The following SKA1 variants were observed in gnomAD, a reference collection of about 807,000 sequenced individuals.
SKA1 encodes spindle and kinetochore associated complex subunit 1.
SKA1 carries 20 observed loss-of-function variants against 31.8 expected under a neutral mutation model. The ratio of observed to expected loss-of-function variants is 0.63; its 90% CI spans 0.44 to 0.91. The LOEUF (loss-of-function observed/expected upper bound fraction) is 0.91. Among genes scored for constraint, SKA1 ranks in the 40% least tolerant of loss-of-function variants. The probability of loss-of-function intolerance (pLI) is 0.00; values close to 1 mark genes in which losing one functional copy is unlikely to be tolerated. For synonymous variants in SKA1, 88 were observed against 100.5 expected (o/e 0.88, Z 0.74); for missense variants, 253 against 298.2 (o/e 0.85, Z 1.12).
chr18:50,385,329 G>T lies in SKA1; in HGVS notation c.425G>T (p.Cys142Phe). Reference sequence around the variant, plus strand: ...ATTAAGGAAATGCCATTTATAACTTGTGATGAGTTCAATGGTGTTCCTTCG... The same window carrying T: ...ATTAAGGAAATGCCATTTATAACTTTTGATGAGTTCAATGGTGTTCCTTCG... ...RSIKEMPFIT[C>F]DEFNGVPSYM... The change falls in exon 5 of 7, where the codon TGT (cysteine) becomes TTT (phenylalanine). Residue 142 changes from cysteine (C) to phenylalanine (F), a missense_variant. By Grantham distance (205) the Cys-to-Phe change is radical. Coordinates refer to ENST00000285116, the MANE Select transcript of SKA1 (RefSeq NM_145060.4). 1 of 1,613,318 alleles carries T rather than the reference G, an allele frequency of 6.2e-7. No individual in the cohort carries two copies. The highest frequency in any genetic ancestry group is 8.5e-7 in the Non-Finnish European group (1 of 1,179,592).
intron 3 of SKA1, 70 bp from the exon 4 acceptor site, chr18:50,382,059 G>C: frequency 1.1e-6 from 1 of 942,658 alleles, no homozygotes; most frequent in Admixed American, 3.0e-5. Context: ...TGTTTTCCCT[G>C]CTCTTTAGAA....
In SKA1 at chr18:50,392,352, CTTT is replaced by C. The variant is rs375763517; in HGVS notation, c.*117_*119del. The C allele has an allele frequency of 1.9e-3, 1,098 of 567,134 alleles. No homozygotes were observed. Among genetic ancestry groups the C allele is most frequent in the Middle Eastern group, 2.3e-3 (4 of 1,742 alleles). The allele number at this position is 567,134 out of a possible 1,614,324, so 35.1% of individuals were successfully genotyped here. Reference sequence around the variant, plus strand: ...TTTAACTTTTAATCTTTTTTGTTTCCTTTTTTTTTTTTTTGAGACAGGATCTTG... The same window carrying C: ...TTTAACTTTTAATCTTTTTTGTTTCCTTTTTTTTTTTGAGACAGGATCTTG... On this transcript the variant is annotated 3_prime_UTR_variant, in exon 7 of 7. Coordinates refer to ENST00000285116, the MANE Select transcript of SKA1 (RefSeq NM_145060.4).
chr18:50,379,916 T>C lies in SKA1; in HGVS notation c.89-210T>C, dbSNP rs114923152. On this transcript the variant is annotated intron_variant, in intron 2 of 6. Coordinates refer to ENST00000285116, the MANE Select transcript of SKA1 (RefSeq NM_145060.4). Reference sequence around the variant, plus strand: ...AGAAACAAAAGACGCAGGAGAGACATTGTCCTTGCCTCTCGCCTCCTTCTG... The same window carrying C: ...AGAAACAAAAGACGCAGGAGAGACACTGTCCTTGCCTCTCGCCTCCTTCTG... Among the ~76,000 whole-genome samples the C allele has an allele frequency of 9.9e-3, 1,503 of 152,312 alleles. 19 individuals carry two copies. Among genetic ancestry groups the C allele is most frequent in the African/African-American group, 0.035 (1,438 of 41,554 alleles).
chr18:50,382,270 C>A (rs757834837), intron 4 of SKA1, 44 bp downstream of exon 4: 2 of 1,217,430 alleles, frequency 1.6e-6, no homozygotes, highest in Admixed American at 5.9e-5. Flanking sequence ...ATTTATAAAC[C>A]CATGAAAACA....
intron 5 of SKA1, 140 bp from the exon 6 acceptor site, chr18:50,390,984 G>T: frequency 1.9e-6 from 1 of 535,550 alleles, no homozygotes; most frequent in Non-Finnish European, 3.2e-6. Flanking sequence ...TGGTTTATTT[G>T]GAAGTTGATA....
At chr18:50,377,011 G>A (rs2156133) in intron 2 of SKA1, among the ~76,000 whole-genome samples, 109,708 of 151,742 alleles carry the variant, frequency 0.72, 39,798 homozygotes, top group East Asian at 0.81. Flanking sequence ...TATCTCCTGA[G>A]GGATCTGCCT....
intron 5 of SKA1, among the ~76,000 whole-genome samples, chr18:50,388,636 G>A (rs2041330532): frequency 6.6e-6 from 1 of 152,132 alleles, no homozygotes; most frequent in Non-Finnish European, 1.5e-5. Context: ...GCTAGACGGG[G>A]CTGAAATCAT....
At chr18:50,388,191 C>A (rs1208346555) in intron 5 of SKA1, among the ~76,000 whole-genome samples, 2 of 152,130 alleles carry the variant, frequency 1.3e-5, no homozygotes, top group African/African-American at 2.4e-5. Flanking sequence ...AGGTTCACGC[C>A]ATTCTCCTGC....
At chr18:50,387,840 A>G (rs2041322936) in intron 5 of SKA1, among the ~76,000 whole-genome samples, 1 of 152,166 alleles carries the variant, frequency 6.6e-6, no homozygotes. Flanking sequence ...ATACTTCCAA[A>G]ATCTCTGTCA....
chr18:50,380,080 G>A, intron 2 of SKA1, 46 bp from the exon 3 acceptor site: 2 of 1,440,404 alleles, frequency 1.4e-6, no homozygotes, highest in South Asian at 1.5e-5. Flanking sequence ...TATAGCTACT[G>A]CTTTTCTATA....
chr18:50,381,787 G>A (rs1477805240), intron 3 of SKA1, among the ~76,000 whole-genome samples: 2 of 144,318 alleles, frequency 1.4e-5, no homozygotes, highest in South Asian at 2.2e-4. Flanking sequence ...GTGCAGTGGC[G>A]CGATCTCAGC....
chr18:50,391,280 G>A lies in SKA1; in HGVS notation c.606G>A (p.Thr202=), dbSNP rs144678543. Residue 202 remains threonine, a synonymous_variant, in exon 6 of 7, where the codon ACG becomes ACA. Coordinates refer to ENST00000285116, the MANE Select transcript of SKA1 (RefSeq NM_145060.4). Reference sequence around the variant, plus strand: ...ATCACAGATTTATTGATGAAGAAACGAAGGATACCAAAGGTAAAATGGCAG... The same window carrying A: ...ATCACAGATTTATTGATGAAGAAACAAAGGATACCAAAGGTAAAATGGCAG... ...NLYHRFIDEE[T]KDTKGRYFIV... 117 of 1,592,944 alleles carry A rather than the reference G, an allele frequency of 7.3e-5. No homozygotes were observed. The highest frequency in any genetic ancestry group is 9.4e-5 in the Non-Finnish European group (110 of 1,173,944).
At chr18:50,380,974 G>A (rs2149319948) in intron 3 of SKA1, among the ~76,000 whole-genome samples, 1 of 152,336 alleles carries the variant, frequency 6.6e-6, no homozygotes. Flanking sequence ...TCAGCTATAG[G>A]AATGGGCATG....
At chr18:50,379,905 C>T (rs1471175850) in intron 2 of SKA1, among the ~76,000 whole-genome samples, 1 of 152,202 alleles carries the variant, frequency 6.6e-6, no homozygotes, top group Non-Finnish European at 1.5e-5. Context: ...ACAAAAGACG[C>T]AGGAGAGACA....
intron 4 of SKA1, among the ~76,000 whole-genome samples, chr18:50,384,982 G>C (rs1372053648): frequency 1.3e-5 from 2 of 148,204 alleles, no homozygotes; most frequent in Non-Finnish European, 3.0e-5. Flanking sequence ...AAGATATCAT[G>C]TTACACGTAA....
chr18:50,389,779 G>A lies in SKA1; in HGVS notation c.450-1345G>A, dbSNP rs377498798. Among the ~76,000 whole-genome samples the A allele has an allele frequency of 4.6e-5, 7 of 152,228 alleles. No homozygotes were observed. The East Asian group carries it at 9.6e-4, about 21-fold the overall frequency. ...TTCAGCTTTGATCTTTGTTATTGTTGCTCATTGGCTGAGCTAATGTGAAGA... is the reference window on the plus strand; with the variant it reads ...TTCAGCTTTGATCTTTGTTATTGTTACTCATTGGCTGAGCTAATGTGAAGA... On this transcript the variant is annotated intron_variant, in intron 5 of 6. Coordinates refer to ENST00000285116, the MANE Select transcript of SKA1 (RefSeq NM_145060.4).
chr18:50,388,709 C>G (rs1445983842), intron 5 of SKA1, among the ~76,000 whole-genome samples: 2 of 152,146 alleles, frequency 1.3e-5, no homozygotes, highest in Non-Finnish European at 2.9e-5. Flanking sequence ...GAGGGCAGGT[C>G]TTTGTTTTGG....
At chr18:50,388,997 G>A (rs1314603510) in intron 5 of SKA1, among the ~76,000 whole-genome samples, 2 of 152,132 alleles carry the variant, frequency 1.3e-5, no homozygotes, top group South Asian at 2.1e-4. Context: ...AGTGGCTTCT[G>A]TCCCTAGGAA....
chr18:50,384,890 A>AGAAAAAAAAAAAAAAAAAAG (rs2041293977), intron 4 of SKA1, among the ~76,000 whole-genome samples: 2 of 118,824 alleles, frequency 1.7e-5, no homozygotes, highest in African/African-American at 3.1e-5. Flanking sequence ...AAAAAAAAAA[A>AGAAAAAAAAAAAAAAAAAAG]GGAAAAAAAA....
Sources: gnomAD v4.1 joint callset for allele counts (sites outside exome capture counted in the v4.1 genomes callset) on GRCh38, gnomAD v4.1.1 for gene constraint, MANE v1.5 for transcripts, NCBI Gene and HGNC (gene_info 2026-07-23, HGNC 2026-07-21) for gene names.